The following GALNT13 variants were observed in gnomAD, a reference collection of about 807,000 sequenced individuals.
GALNT13 encodes the protein polypeptide N-acetylgalactosaminyltransferase 13, also known as UDP-GalNAc:polypeptide N-acetylgalactosaminyltransferase 13.
In GALNT13, 28 loss-of-function variants were observed where a neutral mutation model predicts 64.2. The ratio of observed to expected loss-of-function variants is 0.44; its 90% confidence interval spans 0.32 to 0.60. The LOEUF (loss-of-function observed/expected upper bound fraction) is 0.60, where lower values mean the gene tolerates loss of function less well. Among genes scored for constraint, GALNT13 ranks in the 20% least tolerant of loss-of-function variants. The pLI, the probability that GALNT13 is intolerant of heterozygous loss-of-function variation, is 0.05. For synonymous variants in GALNT13, 214 were observed against 224.6 expected (o/e 0.95, Z 0.42); for missense variants, 577 against 669.8 (o/e 0.86, Z 1.53).
In GALNT13 at chr2:154,453,921, A is replaced by C. The variant is rs1029168913; in HGVS notation, c.*3370A>C. ...ACTATGGACTCTAATTTTCTGGATA[A>C]AATATCCTGCCTTATGGAAATGAAA... On this transcript the variant is annotated 3_prime_UTR_variant, in exon 13 of 13. Coordinates refer to ENST00000392825, the MANE Select transcript of GALNT13 (RefSeq NM_052917.4). The C allele has an allele frequency of 6.6e-6, 1 of 152,180 alleles. No individual in the cohort carries two copies. The highest frequency in any genetic ancestry group is 2.4e-5 in the African/African-American group (1 of 41,454). The allele number at this position is 152,180 out of a possible 1,614,324, so 9.4% of individuals were successfully genotyped here. A position where few individuals can be genotyped will look rare whatever the true frequency, so the allele number is the denominator to read the frequency against.
chr2:153,571,482 A>G, the GALNT13 span, among the ~76,000 whole-genome samples: 1 of 152,028 alleles, frequency 6.6e-6, no homozygotes, highest in Non-Finnish European at 1.5e-5. Context: ...TTCCAGGACT[A>G]TGTTGAATAA....
chr2:153,669,668 G>A, the GALNT13 span, among the ~76,000 whole-genome samples: 17 of 152,224 alleles, frequency 1.1e-4, no homozygotes, highest in African/African-American at 3.6e-4. Flanking sequence ...TCATCTCACT[G>A]GGACTAGTGG....
At chr2:153,133,468 C>T in the GALNT13 span, among the ~76,000 whole-genome samples, 1 of 152,078 alleles carries the variant, frequency 6.6e-6, no homozygotes, top group Non-Finnish European at 1.5e-5. Flanking sequence ...AGGAATCCTT[C>T]TTGCTTTGCT....
chr2:153,965,867 G>A (rs149725659), intron 3 of GALNT13, among the ~76,000 whole-genome samples: 52 of 149,514 alleles, frequency 3.5e-4, no homozygotes, highest in African/African-American at 1.2e-3. Flanking sequence ...TAAGACTTCT[G>A]TTGTCTCTAC....
chr2:153,394,812 A>G, the GALNT13 span, among the ~76,000 whole-genome samples: 1 of 152,172 alleles, frequency 6.6e-6, no homozygotes, highest in African/African-American at 2.4e-5. Flanking sequence ...CTTAGAGAAA[A>G]CAAATTAATT....
the GALNT13 span, among the ~76,000 whole-genome samples, chr2:153,091,528 A>T: frequency 1.3e-5 from 2 of 152,178 alleles, no homozygotes; most frequent in Non-Finnish European, 1.5e-5. Flanking sequence ...TCTGTGAATT[A>T]TTTAAATTTT....
chr2:154,355,867 A>T (rs771951292), intron 9 of GALNT13, among the ~76,000 whole-genome samples: 3 of 152,042 alleles, frequency 2.0e-5, no homozygotes, highest in Non-Finnish European at 2.9e-5. Flanking sequence ...GTACCAGTGT[A>T]CCAAGAAGAG....
intron 1 of GALNT13, among the ~76,000 whole-genome samples, chr2:153,874,094 G>T (rs530488983): frequency 1.2e-4 from 14 of 113,360 alleles, no homozygotes; most frequent in African/African-American, 3.9e-4. Flanking sequence ...CCCCCCTCCC[G>T]CAATCTCTGT....
the GALNT13 span, among the ~76,000 whole-genome samples, chr2:153,442,194 A>T: frequency 6.6e-6 from 1 of 152,138 alleles, no homozygotes; most frequent in Non-Finnish European, 1.5e-5. Context: ...TTCTGCATCT[A>T]TTGAGATAAT....
chr2:153,840,068 G>A, the GALNT13 span, among the ~76,000 whole-genome samples: 1 of 151,990 alleles, frequency 6.6e-6, no homozygotes, highest in Non-Finnish European at 1.5e-5. Context: ...AATGTGGGTG[G>A]CACATTGTAG....
chr2:154,139,909 G>A (rs1683163559), intron 3 of GALNT13, among the ~76,000 whole-genome samples: 2 of 152,044 alleles, frequency 1.3e-5, no homozygotes, highest in South Asian at 2.1e-4. Flanking sequence ...CCTTTATAAA[G>A]ATGTAATGGC....
At chr2:153,185,743 C>A in the GALNT13 span, among the ~76,000 whole-genome samples, 5 of 152,268 alleles carry the variant, frequency 3.3e-5, no homozygotes, top group African/African-American at 7.2e-5. Flanking sequence ...GCAGGTTGTT[C>A]AATTTCCATA....
intron 4 of GALNT13, among the ~76,000 whole-genome samples, chr2:154,225,299 C>T (rs1285974907): frequency 7.2e-5 from 11 of 152,012 alleles, no homozygotes; most frequent in African/African-American, 2.4e-4. Context: ...TACTGAGATA[C>T]GTTTATTCAC....
intron 3 of GALNT13, among the ~76,000 whole-genome samples, chr2:154,007,844 C>T (rs941335470): frequency 1.3e-5 from 2 of 151,790 alleles, no homozygotes; most frequent in African/African-American, 4.8e-5. Context: ...AAATTGTTTC[C>T]ATATATAGTC....
the GALNT13 span, among the ~76,000 whole-genome samples, chr2:153,830,426 T>G: frequency 2.6e-5 from 4 of 152,268 alleles, no homozygotes; most frequent in South Asian, 8.3e-4. Flanking sequence ...GGACATATAT[T>G]GCTATTTTGT....
At chr2:153,604,710 G>A in the GALNT13 span, among the ~76,000 whole-genome samples, 1 of 151,926 alleles carries the variant, frequency 6.6e-6, no homozygotes, top group East Asian at 1.9e-4. Context: ...TATATCATTG[G>A]TATCTTTTAT....
the GALNT13 span, among the ~76,000 whole-genome samples, chr2:153,717,223 T>TG: frequency 6.6e-6 from 1 of 152,208 alleles, no homozygotes; most frequent in South Asian, 2.1e-4. Flanking sequence ...GTTGGCTGTT[T>TG]GTTGTTCCTA....
chr2:153,154,135 C>T, the GALNT13 span, among the ~76,000 whole-genome samples: 512 of 152,128 alleles, frequency 3.4e-3, 2 homozygotes, highest in African/African-American at 0.012. Context: ...TTGGCTGTGT[C>T]CTCACCCAAA....
At chr2:154,431,984 A>C (rs1403958610) in intron 11 of GALNT13, among the ~76,000 whole-genome samples, 1 of 152,150 alleles carries the variant, frequency 6.6e-6, no homozygotes, top group East Asian at 1.9e-4. Context: ...TCCTTATAGC[A>C]GTGTGAGAAC....
Sources: gnomAD v4.1 joint callset for allele counts (sites outside exome capture counted in the v4.1 genomes callset) on GRCh38, gnomAD v4.1.1 for gene constraint, MANE v1.5 for transcripts, NCBI Gene and HGNC (gene_info 2026-07-23, HGNC 2026-07-21) for gene names.